Variants in RNF10 observed in about 807,000 individuals in gnomAD.
The protein encoded by RNF10 is ring finger protein 10.
Under a neutral mutation model 91.4 loss-of-function variants are expected in RNF10, and 38 were observed. The ratio of observed to expected loss-of-function variants is 0.42; its 90% CI spans 0.32 to 0.54. RNF10 has a LOEUF of 0.54. Among genes scored for constraint, RNF10 ranks in the 20% least tolerant of loss-of-function variants. The probability of loss-of-function intolerance (pLI) is 0.16; values close to 1 mark genes in which losing one functional copy is unlikely to be tolerated. For synonymous variants in RNF10, 364 were observed against 366.3 expected, an observed-to-expected ratio of 0.99 and a Z score of 0.07; for missense variants, 945 against 1,012.0, an observed-to-expected ratio of 0.93 and a Z score of 0.90.
chr12:120,575,785 T>A lies in RNF10; in HGVS notation c.2201-7T>A. The stretch of plus-strand genomic sequence containing the variant: ...GTTTCTATAGTTTTAACACTGGTAT[T>A]TTTTAGATGAGAACAGCTTAGTTCC... On this transcript the variant is annotated splice_region_variant and splice_polypyrimidine_tract_variant and intron_variant, in intron 15 of 16. Transcript: ENST00000325954. 1 of 1,614,210 alleles carries A rather than the reference T, an allele frequency of 6.2e-7. No individual in the cohort carries two copies. The highest frequency in any genetic ancestry group is 1.1e-5 in the South Asian group (1 of 91,082).
rs994848248 is a variant in RNF10 at position 120,536,888 on chromosome 12, CT to C, written c.157+1922del. Among the ~76,000 whole-genome samples the C allele has an allele frequency of 9.1e-4, 138 of 152,252 alleles. 1 individual carries two copies. The highest frequency in any genetic ancestry group is 3.1e-3 in the African/African-American group (128 of 41,548). The stretch of plus-strand genomic sequence containing the variant: ...TTTATTTCTTAGCAGTAGGTGAAAG[CT>C]TGTGACAACTTAAAATAAAACAAAC... On this transcript the variant is annotated intron_variant, in intron 1 of 16. Coordinates refer to ENST00000325954, the MANE Select transcript of RNF10 (RefSeq NM_014868.5).
Position 120,575,896 on chromosome 12 carries a change from A to C in RNF10, c.2305A>C (p.Ile769Leu), listed in dbSNP as rs147768290. ...TTTTCAAAATTCCTTCAGCCAAGCT[A>C]TTGAAGCAGCCTTCATGAAACTGGA... ...PSFQNSFSQA[I>L]EAAFMKLDTP... The change falls in exon 16 of 17, where the codon ATT becomes CTT. Residue 769 changes from isoleucine to leucine, a missense_variant. By Grantham distance (5) the Ile-to-Leu change is conservative. Transcript: ENST00000325954. 124 of 1,614,160 alleles carry C rather than the reference A, an allele frequency of 7.7e-5. No homozygotes were observed. The African/African-American group carries it at 1.6e-3, about 21-fold the overall frequency.
intron 2 of RNF10, among the ~76,000 whole-genome samples, chr12:120,549,506 C>T (rs149001705): frequency 9.7e-4 from 147 of 152,170 alleles, no homozygotes; most frequent in African/African-American, 3.4e-3. Flanking sequence ...GTGATGGGGC[C>T]GGGCGCAGTG....
chr12:120,558,643 A>G (rs980590565), intron 6 of RNF10, among the ~76,000 whole-genome samples: 1 of 151,476 alleles, frequency 6.6e-6, no homozygotes, highest in Non-Finnish European at 1.5e-5. Context: ...ATCTTGGCTC[A>G]CTGCAACCTC....
chr12:120,566,794 T>C, intron 12 of RNF10, 31 bp from the exon 13 acceptor site: 5 of 1,565,742 alleles, frequency 3.2e-6, no homozygotes, highest in Non-Finnish European at 4.3e-6. Flanking sequence ...ATTCTGTAAA[T>C]GGGTTTACAA....
intron 4 of RNF10, among the ~76,000 whole-genome samples, chr12:120,555,478 G>A (rs926454523): frequency 1.3e-5 from 2 of 148,872 alleles, no homozygotes; most frequent in Non-Finnish European, 3.0e-5. Context: ...CACTCTATCT[G>A]GCCCAGTTGT....
intron 7 of RNF10, among the ~76,000 whole-genome samples, chr12:120,561,999 CTT>C (rs1196646833): frequency 2.0e-5 from 3 of 151,970 alleles, no homozygotes; most frequent in East Asian, 1.9e-4. Flanking sequence ...GTCAGATTCT[CTT>C]TTATTTTTTT....
rs762493166 is a variant in RNF10 at position 120,563,602 on chromosome 12, C to T, written c.1510C>T (p.Pro504Ser). 1.2e-6 allele frequency: 2 copies of T among 1,604,296 alleles called. No individual in the cohort carries two copies. The highest frequency in any genetic ancestry group is 2.2e-5 in the East Asian group (1 of 44,810). The change falls in exon 9 of 17, where the codon CCT becomes TCT. Residue 504 changes from proline (P) to serine (S), a missense_variant. Coordinates refer to ENST00000325954, the MANE Select transcript of RNF10 (RefSeq NM_014868.5). ...AGGCTTCACACGCCTCAGCAGCTCT[C>T]CTTGTTACTACTTTTACCAAGGTGA... Reference protein sequence around the residue: ...KSGFTRLSSSPCYYFYQAEDG... With the variant: ...KSGFTRLSSSSCYYFYQAEDG...
At chr12:120,556,525 C>T (rs1215580443) in intron 4 of RNF10, among the ~76,000 whole-genome samples, 58 of 89,048 alleles carry the variant, frequency 6.5e-4, no homozygotes, top group African/African-American at 2.7e-3. Context: ...AGTGAGACTC[C>T]GTCTCAAAAA....
intron 13 of RNF10, among the ~76,000 whole-genome samples, chr12:120,568,632 T>C (rs948807609): frequency 6.6e-6 from 1 of 151,820 alleles, no homozygotes; most frequent in Non-Finnish European, 1.5e-5. Context: ...TGCGTCACCA[T>C]GCCTGGCTAA....
intron 14 of RNF10, among the ~76,000 whole-genome samples, chr12:120,572,227 C>T (rs10849764): frequency 0.27 from 40,867 of 151,576 alleles, 6,606 homozygotes; most frequent in Admixed American, 0.39. Context: ...CCACCACGCC[C>T]GGCTAATTTT....
intron 14 of RNF10, chr12:120,574,994 C>G (rs1877193199): frequency 1.3e-5 from 2 of 159,348 alleles, no homozygotes; most frequent in Admixed American, 6.2e-5. Context: ...AATCCCAGCA[C>G]TTTGGGAGGC....
At position 120,557,527 on chromosome 12, in the gene RNF10, A is replaced by G. The variant is rs772018040; in HGVS notation, c.831-19A>G. On this transcript the variant is annotated intron_variant, in intron 5 of 16. Coordinates refer to ENST00000325954, the MANE Select transcript of RNF10 (RefSeq NM_014868.5). Reference sequence around the variant, plus strand: ...CTCTTCACTCCTTGCCCTGCTACATATGAGTGTCCATGTTTCAGTGTTGTT... The same window carrying G: ...CTCTTCACTCCTTGCCCTGCTACATGTGAGTGTCCATGTTTCAGTGTTGTT... 2.0e-5 allele frequency: 33 copies of G among 1,614,164 alleles called. No homozygotes were observed. The highest frequency in any genetic ancestry group is 2.0e-4 in the East Asian group (9 of 44,890).
At chr12:120,568,828 C>T (rs1399138686) in intron 13 of RNF10, among the ~76,000 whole-genome samples, 1 of 152,004 alleles carries the variant, frequency 6.6e-6, no homozygotes, top group African/African-American at 2.4e-5. Context: ...CATTCATTAG[C>T]TCACTGCAGT....
In RNF10 at chr12:120,575,918, T is replaced by C; in HGVS notation, c.2327T>C (p.Leu776Pro). The change falls in exon 16 of 17, where the codon CTG (leucine) becomes CCG (proline). Residue 776 changes from leucine to proline, a missense_variant. Transcript: ENST00000325954. ...GCTATTGAAGCAGCCTTCATGAAAC[T>C]GGACACACCAGCTACTTCAGATCCC... ...SQAIEAAFMK[L>P]DTPATSDPLS... 6.2e-7 allele frequency: 1 copy of C among 1,614,064 alleles called. No homozygotes were observed. The highest frequency in any genetic ancestry group is 2.2e-5 in the East Asian group (1 of 44,880).
At chr12:120,560,666 A>G in intron 6 of RNF10, 60 bp from the exon 7 acceptor site, 4 of 1,524,576 alleles carry the variant, frequency 2.6e-6, no homozygotes, top group Non-Finnish European at 1.8e-6. Context: ...ATTCCTATTT[A>G]GCTACACCAT....
intron 4 of RNF10, among the ~76,000 whole-genome samples, chr12:120,556,057 G>C (rs1291529279): frequency 6.6e-6 from 1 of 151,948 alleles, no homozygotes; most frequent in East Asian, 2.0e-4. Flanking sequence ...CCAAAGTGTT[G>C]GGATTACAGG....
At chr12:120,569,170 T>C (rs1002682637) in intron 13 of RNF10, among the ~76,000 whole-genome samples, 1 of 152,140 alleles carries the variant, frequency 6.6e-6, no homozygotes, top group African/African-American at 2.4e-5. Context: ...GGTTTCTCCA[T>C]GTTGGTCAGG....
rs1288768922 is a variant in RNF10, at chr12:120,577,224, C to G, written c.*558C>G. The G allele has an allele frequency of 2.2e-6, 1 of 451,810 alleles. No homozygotes were observed. The highest frequency in any genetic ancestry group is 4.4e-6 in the Non-Finnish European group (1 of 225,168). The allele number at this position is 451,810 out of a possible 1,614,324, so 28.0% of individuals were successfully genotyped here. A position where few individuals can be genotyped will look rare whatever the true frequency, so the allele number is the denominator to read the frequency against. Reference sequence around the variant, plus strand: ...ACACATGGCCAGGCTGTGGTGCCAGCTTAATGGAGTAGGCTGTCCTTGGCA... The same window carrying G: ...ACACATGGCCAGGCTGTGGTGCCAGGTTAATGGAGTAGGCTGTCCTTGGCA... On this transcript the variant is annotated 3_prime_UTR_variant, in exon 17 of 17. Coordinates refer to ENST00000325954, the MANE Select transcript of RNF10 (RefSeq NM_014868.5).
Sources: allele counts gnomAD v4.1 joint callset (sites outside exome capture counted in the v4.1 genomes callset), GRCh38; gene constraint gnomAD v4.1.1; transcripts MANE v1.5; gene names NCBI Gene and HGNC (gene_info 2026-07-23, HGNC 2026-07-21).